TBC1D22A: variants seen among roughly 807,000 people sequenced by gnomAD.
TBC1D22A encodes the protein TBC1 domain family member 22A, also known as putative GTPase activator.
In TBC1D22A, 38 loss-of-function variants were observed where a neutral mutation model predicts 60.2. The ratio of observed to expected loss-of-function variants is 0.63; its 90% confidence interval spans 0.49 to 0.83. The LOEUF (loss-of-function observed/expected upper bound fraction) is 0.83. TBC1D22A is among the 40% of genes least tolerant of loss of function. The pLI is 0.00. For synonymous variants in TBC1D22A, 302 were observed against 281.7 expected (o/e 1.07, Z -0.72); for missense variants, 628 against 701.0 (o/e 0.90, Z 1.18).
chr22:46,950,814 A>T (rs1329230771), intron 8 of TBC1D22A, among the ~76,000 whole-genome samples: 1 of 152,156 alleles, frequency 6.6e-6, no homozygotes, highest in Admixed American at 6.5e-5. Flanking sequence ...ATAACCGGGG[A>T]CAATACAAAA....
At chr22:47,122,518 C>T (rs1226166614) in intron 12 of TBC1D22A, among the ~76,000 whole-genome samples, 3 of 152,152 alleles carry the variant, frequency 2.0e-5, no homozygotes, top group East Asian at 1.9e-4. Context: ...TGGGCCCAGC[C>T]CCTACTTGGA....
At chr22:47,119,622 G>A (rs550688772) in intron 12 of TBC1D22A, among the ~76,000 whole-genome samples, 87 of 151,918 alleles carry the variant, frequency 5.7e-4, no homozygotes, top group African/African-American at 2.0e-3. Context: ...TCAGCCTCCT[G>A]AGTAGCTGGG....
At chr22:46,826,681 A>G (rs111865769) in intron 4 of TBC1D22A, among the ~76,000 whole-genome samples, 61 of 152,212 alleles carry the variant, frequency 4.0e-4, no homozygotes, top group African/African-American at 1.4e-3. Context: ...GGTCCCGGAG[A>G]CTGTCCCGGA....
chr22:47,101,097 C>T (rs2065397226), intron 11 of TBC1D22A, among the ~76,000 whole-genome samples: 1 of 152,182 alleles, frequency 6.6e-6, no homozygotes, highest in Non-Finnish European at 1.5e-5. Context: ...GTTGAGTCAT[C>T]AGTCAAAGCT....
intron 4 of TBC1D22A, among the ~76,000 whole-genome samples, chr22:46,840,609 T>C (rs913799765): frequency 1.3e-5 from 2 of 152,186 alleles, no homozygotes; most frequent in Middle Eastern, 3.4e-3. Flanking sequence ...AGTGTGCGCC[T>C]GTAGTCCCAG....
intron 7 of TBC1D22A, among the ~76,000 whole-genome samples, chr22:46,899,388 A>G (rs1044398221): frequency 2.0e-5 from 3 of 151,924 alleles, no homozygotes; most frequent in African/African-American, 4.8e-5. Context: ...TGGAGGCTGC[A>G]GTGAGCCGAG....
chr22:46,848,784 C>CA (rs1329035453), intron 4 of TBC1D22A, among the ~76,000 whole-genome samples: 2 of 152,226 alleles, frequency 1.3e-5, no homozygotes, highest in South Asian at 4.1e-4. Flanking sequence ...AGTAGTCTCA[C>CA]GTACACTTTG....
intron 7 of TBC1D22A, among the ~76,000 whole-genome samples, chr22:46,904,292 G>T (rs912891468): frequency 1.3e-5 from 2 of 151,548 alleles, no homozygotes; most frequent in Admixed American, 6.6e-5. Flanking sequence ...GTCCTTTGGT[G>T]TTGGGGATGG....
chr22:46,870,666 G>A (rs965883280), intron 4 of TBC1D22A, among the ~76,000 whole-genome samples: 3 of 152,116 alleles, frequency 2.0e-5, no homozygotes, highest in Admixed American at 1.3e-4. Flanking sequence ...TCCCAGTTTC[G>A]GAGGCTTGGA....
chr22:47,063,162 C>G (rs528568391), intron 11 of TBC1D22A, among the ~76,000 whole-genome samples: 2 of 152,226 alleles, frequency 1.3e-5, no homozygotes, highest in African/African-American at 4.8e-5. Context: ...GCTGAAGAAT[C>G]GCTGGGGCTC....
intron 4 of TBC1D22A, among the ~76,000 whole-genome samples, chr22:46,853,024 G>A (rs1309563182): frequency 2.0e-5 from 3 of 152,310 alleles, no homozygotes; most frequent in South Asian, 2.1e-4. Context: ...TTGGGAGCAC[G>A]ATTCCTTTGC....
rs1180969499 is a variant in TBC1D22A, at chr22:46,762,868, C to T, written c.62+20C>T. The T allele has an allele frequency of 1.4e-6, 2 of 1,469,014 alleles. No individual in the cohort carries two copies. The allele number at this position is 1,469,014 out of a possible 1,614,324, so 91.0% of individuals were successfully genotyped here. ...GGGCAGGTGGGTGTGCCGCGGAGGGCCAGGTCGGGGTCAGGGGTCAGAGGT... is the reference window on the plus strand; with the variant it reads ...GGGCAGGTGGGTGTGCCGCGGAGGGTCAGGTCGGGGTCAGGGGTCAGAGGT... On this transcript the variant is annotated intron_variant, in intron 1 of 12. Coordinates refer to ENST00000337137, the MANE Select transcript of TBC1D22A (RefSeq NM_014346.5).
intron 8 of TBC1D22A, among the ~76,000 whole-genome samples, chr22:46,912,542 G>C (rs1220597339): frequency 6.6e-6 from 1 of 152,100 alleles, no homozygotes; most frequent in South Asian, 2.1e-4. Context: ...CAGTCTGTCT[G>C]TCTGTCTATC....
chr22:47,013,368 G>C (rs888796569), intron 10 of TBC1D22A, among the ~76,000 whole-genome samples: 4 of 152,002 alleles, frequency 2.6e-5, no homozygotes, highest in African/African-American at 9.7e-5. Flanking sequence ...CTGATGTTTG[G>C]GGTTTATTGC....
At chr22:46,928,228 A>G (rs988149097) in intron 8 of TBC1D22A, among the ~76,000 whole-genome samples, 2 of 152,212 alleles carry the variant, frequency 1.3e-5, no homozygotes, top group African/African-American at 4.8e-5. Flanking sequence ...GTGGATAGAC[A>G]TGTAGATCAG....
intron 12 of TBC1D22A, among the ~76,000 whole-genome samples, chr22:47,126,234 G>C (rs534733083): frequency 2.6e-5 from 4 of 152,160 alleles, no homozygotes; most frequent in Non-Finnish European, 5.9e-5. Flanking sequence ...CGCCTGCCTT[G>C]GCCTCCCAAA....
chr22:47,134,788 CT>C (rs1448598266), intron 12 of TBC1D22A, among the ~76,000 whole-genome samples: 2 of 152,206 alleles, frequency 1.3e-5, no homozygotes, highest in African/African-American at 4.8e-5. Flanking sequence ...TCCTGGGTTT[CT>C]GATGTGACAA....
intron 8 of TBC1D22A, among the ~76,000 whole-genome samples, chr22:46,923,182 A>G (rs908788250): frequency 6.6e-6 from 1 of 152,252 alleles, no homozygotes; most frequent in Non-Finnish European, 1.5e-5. Flanking sequence ...GAAGGAAGCA[A>G]TTAAAATACT....
intron 10 of TBC1D22A, among the ~76,000 whole-genome samples, chr22:46,998,886 C>T (rs1277247233): frequency 2.0e-5 from 3 of 152,250 alleles, no homozygotes; most frequent in Non-Finnish European, 2.9e-5. Context: ...GCGCTCACCG[C>T]ACGCTCCACC....
Sources: gnomAD v4.1 joint callset for allele counts (sites outside exome capture counted in the v4.1 genomes callset) on GRCh38, gnomAD v4.1.1 for gene constraint, MANE v1.5 for transcripts, NCBI Gene and HGNC (gene_info 2026-07-23, HGNC 2026-07-21) for gene names.